Variants in NEK11 observed in about 807,000 individuals in gnomAD.
NEK11 encodes the protein NIMA related kinase 11.
NEK11 carries 72 observed loss-of-function variants against 80.7 expected under a neutral mutation model. That is an observed-to-expected ratio of 0.89 (90% CI 0.74 to 1.08). The LOEUF (loss-of-function observed/expected upper bound fraction) is 1.08. Among genes scored for constraint, NEK11 ranks in the 50% least tolerant of loss-of-function variants. NEK11 has a pLI of 0.00. For missense variants in NEK11, 764 were observed against 763.6 expected, an observed-to-expected ratio of 1.00 and a Z score of -0.01; for synonymous variants, 251 against 260.7, an observed-to-expected ratio of 0.96 and a Z score of 0.36.
At chr3:131,316,392 C>T (rs147707161) in intron 17 of NEK11, among the ~76,000 whole-genome samples, 15 of 152,308 alleles carry the variant, frequency 9.8e-5, no homozygotes, top group African/African-American at 3.6e-4. Context: ...GAGAAACACA[C>T]AGTTTTACTC....
chr3:131,298,751 C>G (rs2096628662), intron 17 of NEK11, among the ~76,000 whole-genome samples: 1 of 151,934 alleles, frequency 6.6e-6, no homozygotes, highest in African/African-American at 2.4e-5. Flanking sequence ...GTTTATCCTA[C>G]TTAGTGATCT....
intron 3 of NEK11, chr3:131,053,404 G>A (rs1013742890): frequency 2.0e-5 from 3 of 152,216 alleles, no homozygotes; most frequent in African/African-American, 7.2e-5. Context: ...GCAGAAATTG[G>A]CTGAGAAATA....
intron 16 of NEK11, among the ~76,000 whole-genome samples, chr3:131,273,215 A>G (rs2096231781): frequency 6.6e-6 from 1 of 152,200 alleles, no homozygotes; most frequent in Admixed American, 6.5e-5. Flanking sequence ...CTCATCTTTT[A>G]AATAATGGTG....
intron 3 of NEK11, among the ~76,000 whole-genome samples, chr3:131,076,158 G>A (rs986291303): frequency 6.6e-6 from 1 of 152,184 alleles, no homozygotes; most frequent in South Asian, 2.1e-4. Flanking sequence ...CTCTCCATGG[G>A]AGGCAAGACT....
intron 10 of NEK11, among the ~76,000 whole-genome samples, chr3:131,160,549 T>G (rs1198570363): frequency 6.6e-6 from 1 of 152,068 alleles, no homozygotes; most frequent in East Asian, 1.9e-4. Flanking sequence ...CCAGATAACA[T>G]CATGATGACA....
intron 17 of NEK11, among the ~76,000 whole-genome samples, chr3:131,307,380 A>C (rs950234653): frequency 6.6e-6 from 1 of 152,184 alleles, no homozygotes; most frequent in Non-Finnish European, 1.5e-5. Context: ...TTCATTTGAA[A>C]ATATATTTGT....
At chr3:131,209,349 T>C (rs2094540515) in intron 14 of NEK11, among the ~76,000 whole-genome samples, 1 of 152,190 alleles carries the variant, frequency 6.6e-6, no homozygotes, top group Non-Finnish European at 1.5e-5. Flanking sequence ...GTGGATAAGC[T>C]TTTTTGATGT....
intron 3 of NEK11, among the ~76,000 whole-genome samples, chr3:131,044,256 C>T (rs1269553619): frequency 6.6e-6 from 1 of 151,752 alleles, no homozygotes; most frequent in Non-Finnish European, 1.5e-5. Context: ...CAATATTAAC[C>T]TCAAATGTAA....
chr3:131,207,789 C>T (rs142010393), intron 14 of NEK11, among the ~76,000 whole-genome samples: 2,008 of 152,224 alleles, frequency 0.013, 40 homozygotes, highest in African/African-American at 0.045. Context: ...TGTTCATATC[C>T]TTTGCCCACA....
intron 10 of NEK11, among the ~76,000 whole-genome samples, chr3:131,157,982 G>A (rs1278163189): frequency 2.0e-5 from 3 of 152,094 alleles, no homozygotes; most frequent in African/African-American, 7.2e-5. Context: ...CATGGCCAGG[G>A]AGACCATCCC....
chr3:131,306,441 C>T (rs2096724277), intron 17 of NEK11, among the ~76,000 whole-genome samples: 2 of 152,072 alleles, frequency 1.3e-5, no homozygotes, highest in South Asian at 2.1e-4. Flanking sequence ...ACTTTGTAAG[C>T]CTTTCTCAGT....
chr3:131,065,403 C>A (rs752526978), intron 3 of NEK11, among the ~76,000 whole-genome samples: 4 of 152,166 alleles, frequency 2.6e-5, no homozygotes, highest in Admixed American at 6.5e-5. Context: ...GGTTTTAAGA[C>A]CCCTCAACAT....
intron 3 of NEK11, among the ~76,000 whole-genome samples, chr3:131,051,400 G>A (rs1405371752): frequency 1.3e-5 from 2 of 152,136 alleles, no homozygotes; most frequent in Non-Finnish European, 2.9e-5. Flanking sequence ...GGACCCTGGG[G>A]TTAATATTTG....
At chr3:131,038,895 C>G (rs773755824) in intron 3 of NEK11, among the ~76,000 whole-genome samples, 8 of 152,154 alleles carry the variant, frequency 5.3e-5, no homozygotes, top group Non-Finnish European at 1.2e-4. Flanking sequence ...TTGGCTAACA[C>G]TGAATGACAT....
chr3:131,180,657 G>A (rs1211096763), intron 14 of NEK11, among the ~76,000 whole-genome samples: 1 of 152,144 alleles, frequency 6.6e-6, no homozygotes, highest in Non-Finnish European at 1.5e-5. Flanking sequence ...CAATACAATT[G>A]AGAAATATCA....
chr3:131,322,109 A>G (rs982001243), intron 17 of NEK11, among the ~76,000 whole-genome samples: 9 of 152,200 alleles, frequency 5.9e-5, no homozygotes, highest in South Asian at 4.1e-4. Flanking sequence ...TCAGTGGGGG[A>G]CTGGATAAAG....
At chr3:131,105,494 A>G (rs2079045446) in intron 4 of NEK11, among the ~76,000 whole-genome samples, 1 of 152,246 alleles carries the variant, frequency 6.6e-6, no homozygotes, top group South Asian at 2.1e-4. Flanking sequence ...TGGGTAATTT[A>G]TAAAGGAAAG....
intron 14 of NEK11, among the ~76,000 whole-genome samples, chr3:131,182,205 T>C (rs999938670): frequency 6.6e-6 from 1 of 151,512 alleles, no homozygotes; most frequent in Non-Finnish European, 1.5e-5. Context: ...AAACCTAATA[T>C]CTTTTTCACT....
chr3:131,342,799 C>A (rs544094323), intron 17 of NEK11, among the ~76,000 whole-genome samples: 2 of 151,698 alleles, frequency 1.3e-5, no homozygotes, highest in African/African-American at 4.8e-5. Flanking sequence ...TATAAGAAAC[C>A]GAAGACATAG....
Sources: gnomAD v4.1 joint callset for allele counts (sites outside exome capture counted in the v4.1 genomes callset) on GRCh38, gnomAD v4.1.1 for gene constraint, MANE v1.5 for transcripts, NCBI Gene and HGNC (gene_info 2026-07-23, HGNC 2026-07-21) for gene names.